CSMD1: variants seen among roughly 807,000 people sequenced by gnomAD.
The protein encoded by CSMD1 is CUB and sushi domain-containing protein 1.
In CSMD1, 213 loss-of-function variants were observed where a neutral mutation model predicts 417.5. That is an observed-to-expected ratio of 0.51 (90% CI 0.46 to 0.57). CSMD1 has a LOEUF of 0.57. Among genes scored for constraint, CSMD1 ranks in the 20% least tolerant of loss-of-function variants. CSMD1 has a pLI of 0.00. For synonymous variants in CSMD1, 2,862 were observed against 1,736.8 expected, an observed-to-expected ratio of 1.65 and a Z score of -16.11; for missense variants, 6,923 against 4,529.7, an observed-to-expected ratio of 1.53 and a Z score of -15.17.
chr8:4,840,498 A>G (rs1000212371), intron 1 of CSMD1, among the ~76,000 whole-genome samples: 1 of 152,232 alleles, frequency 6.6e-6, no homozygotes, highest in Non-Finnish European at 1.5e-5. Flanking sequence ...TCGATGAAGT[A>G]AATTAAGTTA....
At chr8:4,410,582 C>G (rs565001873) in intron 3 of CSMD1, among the ~76,000 whole-genome samples, 1 of 152,008 alleles carries the variant, frequency 6.6e-6, no homozygotes, top group Admixed American at 6.6e-5. Flanking sequence ...TAAATAATGA[C>G]CAATTTTTGT....
intron 65 of CSMD1, among the ~76,000 whole-genome samples, chr8:2,952,237 T>C (rs1353626855): frequency 5.3e-5 from 8 of 152,186 alleles, no homozygotes; most frequent in Non-Finnish European, 8.8e-5. Context: ...TCAAAACACA[T>C]TGCTTGAGTT....
intron 2 of CSMD1, among the ~76,000 whole-genome samples, chr8:4,610,209 G>A (rs968465551): frequency 2.6e-5 from 4 of 152,060 alleles, no homozygotes; most frequent in African/African-American, 9.7e-5. Context: ...CAAGACTTGG[G>A]GATACAGATG....
At chr8:4,315,618 G>A (rs1375301794) in intron 3 of CSMD1, among the ~76,000 whole-genome samples, 1 of 152,018 alleles carries the variant, frequency 6.6e-6, no homozygotes, top group Non-Finnish European at 1.5e-5. Context: ...AGTAAACTTG[G>A]TTTCCAAAGA....
At chr8:3,601,509 A>G (rs1245809056) in intron 8 of CSMD1, among the ~76,000 whole-genome samples, 1 of 152,186 alleles carries the variant, frequency 6.6e-6, no homozygotes, top group African/African-American at 2.4e-5. Context: ...AATGGTTACC[A>G]ACCTCGCTTG....
intron 5 of CSMD1, among the ~76,000 whole-genome samples, chr8:3,982,192 T>TAATAATAATAATAATAA (rs372298485): frequency 2.3e-5 from 3 of 131,764 alleles, no homozygotes; most frequent in Admixed American, 7.5e-5. Context: ...AATAATAATA[T>TAATAATAATAATAATAA]TAATAAAAAA....
intron 1 of CSMD1, among the ~76,000 whole-genome samples, chr8:4,665,554 A>T (rs753174177): frequency 6.6e-6 from 1 of 152,166 alleles, no homozygotes; most frequent in Non-Finnish European, 1.5e-5. Context: ...TATCAGTGAT[A>T]TGATTTCCAT....
chr8:3,524,476 G>T (rs544025713), intron 10 of CSMD1, among the ~76,000 whole-genome samples: 2 of 147,404 alleles, frequency 1.4e-5, no homozygotes, highest in East Asian at 2.1e-4. Flanking sequence ...CACCCAGAAA[G>T]ACATGTGCAC....
intron 7 of CSMD1, among the ~76,000 whole-genome samples, chr8:3,643,431 C>T (rs1007931105): frequency 3.9e-5 from 6 of 152,024 alleles, no homozygotes; most frequent in African/African-American, 1.2e-4. Flanking sequence ...GGCCGGACGC[C>T]GTGGCTCACG....
At chr8:4,754,473 A>G (rs555840301) in intron 1 of CSMD1, among the ~76,000 whole-genome samples, 4 of 152,064 alleles carry the variant, frequency 2.6e-5, no homozygotes, top group Non-Finnish European at 4.4e-5. Flanking sequence ...TGTGTCATGC[A>G]TGCAATTTTT....
At chr8:3,120,918 C>T (rs913273043) in intron 41 of CSMD1, among the ~76,000 whole-genome samples, 2 of 152,062 alleles carry the variant, frequency 1.3e-5, no homozygotes, top group Non-Finnish European at 1.5e-5. Context: ...TTATTTGCCA[C>T]AACTGTTTGG....
At chr8:4,750,426 T>G (rs952163112) in intron 1 of CSMD1, among the ~76,000 whole-genome samples, 6 of 152,330 alleles carry the variant, frequency 3.9e-5, no homozygotes, top group African/African-American at 1.2e-4. Flanking sequence ...GTGTTGCAAT[T>G]AAATGGTTTA....
chr8:4,269,224 T>C (rs1027394178), intron 3 of CSMD1, among the ~76,000 whole-genome samples: 3 of 152,098 alleles, frequency 2.0e-5, no homozygotes, highest in Admixed American at 1.3e-4. Flanking sequence ...ACCCGGCTAA[T>C]TTTTGTATAT....
chr8:4,553,527 T>C (rs901818185), intron 2 of CSMD1, among the ~76,000 whole-genome samples: 4 of 152,100 alleles, frequency 2.6e-5, no homozygotes, highest in Non-Finnish European at 5.9e-5. Flanking sequence ...AGTTTTGATG[T>C]TCTTTATGTG....
intron 2 of CSMD1, among the ~76,000 whole-genome samples, chr8:4,537,499 G>C (rs1177070621): frequency 6.6e-6 from 1 of 152,008 alleles, no homozygotes; most frequent in Admixed American, 6.6e-5. Context: ...CCAGAATTTG[G>C]AACTGTATGT....
intron 12 of CSMD1, among the ~76,000 whole-genome samples, chr8:3,461,181 G>A (rs1182613711): frequency 1.3e-5 from 2 of 152,190 alleles, no homozygotes; most frequent in East Asian, 3.9e-4. Context: ...CACCTCTCAG[G>A]GAAGTGCTCA....
At chr8:3,092,131 A>G (rs1041669249) in intron 47 of CSMD1, among the ~76,000 whole-genome samples, 2 of 152,170 alleles carry the variant, frequency 1.3e-5, no homozygotes, top group African/African-American at 2.4e-5. Context: ...TATTATTTAT[A>G]TAGTGAACAT....
At chr8:3,289,160 C>A (rs1490026992) in intron 25 of CSMD1, among the ~76,000 whole-genome samples, 1 of 147,526 alleles carries the variant, frequency 6.8e-6, no homozygotes, top group Non-Finnish European at 1.5e-5. Flanking sequence ...ATGAACTCAT[C>A]ATTTTTTATG....
At position 4,412,366 on chromosome 8, in the gene CSMD1, C is replaced by A. The variant is rs10093806; in HGVS notation, c.415+7587G>T. ...TGAAAAGTGTGTGGCACCTCTCACT[C>A]CTCCCCTTGCTTCCGCATTTGCCAT... On this transcript the variant is annotated intron_variant, in intron 3 of 69. Coordinates refer to ENST00000635120, the MANE Select transcript of CSMD1 (RefSeq NM_033225.6). 1.8e-4 allele frequency among the ~76,000 whole-genome samples: 28 copies of A among 152,098 alleles called. No homozygotes were observed. The East Asian group carries it at 5.4e-3, about 30-fold the overall frequency.
Sources: gnomAD v4.1 joint callset for allele counts (sites outside exome capture counted in the v4.1 genomes callset) on GRCh38, gnomAD v4.1.1 for gene constraint, MANE v1.5 for transcripts, NCBI Gene and HGNC (gene_info 2026-07-23, HGNC 2026-07-21) for gene names.